The following NOX4 variants were observed in gnomAD, a reference collection of about 807,000 sequenced individuals.
NOX4 encodes the protein kidney oxidase-1.
Under a neutral mutation model 87.6 loss-of-function variants are expected in NOX4, and 69 were observed. The observed-to-expected ratio is 0.79, with a 90% CI of 0.65 to 0.96. The LOEUF is 0.96. Among genes scored for constraint, NOX4 ranks in the 40% least tolerant of loss-of-function variants. The pLI is 0.00. For synonymous variants in NOX4, 275 were observed against 238.2 expected, an observed-to-expected ratio of 1.15 and a Z score of -1.42; for missense variants, 680 against 681.5, an observed-to-expected ratio of 1.00 and a Z score of 0.02.
Position 89,326,779 on chromosome 11 carries a change from A to G in NOX4, c.1714T>C (p.Tyr572His), listed in dbSNP as rs1945236307. ...QNNSYGTRFE[Y>H]NKESFS ...TTTCAGCTGAAAGACTCTTTATTGTATTCAAATCTTGTCCCATATGAGTTG... is the reference window on the plus strand; with the variant it reads ...TTTCAGCTGAAAGACTCTTTATTGTGTTCAAATCTTGTCCCATATGAGTTG... Residue 572 changes from tyrosine to histidine, a missense_variant, in exon 18 of 18, where the codon TAC becomes CAC. Tyr to His is a moderately conservative substitution (Grantham distance 83). Coordinates refer to ENST00000263317, the MANE Select transcript of NOX4 (RefSeq NM_016931.5). 1.2e-6 allele frequency: 2 copies of G among 1,613,234 alleles called. No homozygotes were observed. Among genetic ancestry groups the G allele is most frequent in the Non-Finnish European group, 1.7e-6 (2 of 1,179,534 alleles).
At chr11:89,355,938 C>T (rs1193070137) in intron 12 of NOX4, among the ~76,000 whole-genome samples, 1 of 152,024 alleles carries the variant, frequency 6.6e-6, no homozygotes, top group East Asian at 1.9e-4. Context: ...GACATTTGTG[C>T]TTATTCGCAA....
intron 7 of NOX4, among the ~76,000 whole-genome samples, chr11:89,422,450 C>A (rs1943130908): frequency 6.6e-6 from 1 of 151,970 alleles, no homozygotes; most frequent in Non-Finnish European, 1.5e-5. Context: ...ATATTTTTTC[C>A]TGGACAGTGT....
intron 12 of NOX4, among the ~76,000 whole-genome samples, chr11:89,364,026 C>A (rs1938737262): frequency 6.6e-6 from 1 of 152,006 alleles, no homozygotes; most frequent in Non-Finnish European, 1.5e-5. Context: ...TATTTGAAAG[C>A]TTGAGGCCAG....
the NOX4 span, among the ~76,000 whole-genome samples, chr11:89,535,663 C>T: frequency 6.6e-6 from 1 of 151,822 alleles, no homozygotes; most frequent in Non-Finnish European, 1.5e-5. Flanking sequence ...GACATAGGCA[C>T]TGTGCTCTGG....
chr11:89,351,849 T>C (rs1159666290), intron 13 of NOX4, among the ~76,000 whole-genome samples: 1 of 152,088 alleles, frequency 6.6e-6, no homozygotes, highest in Non-Finnish European at 1.5e-5. Context: ...ATGAAATGGA[T>C]TCAACCTAAG....
At chr11:89,534,443 C>T in the NOX4 span, among the ~76,000 whole-genome samples, 3 of 152,210 alleles carry the variant, frequency 2.0e-5, no homozygotes, top group Admixed American at 6.5e-5. Flanking sequence ...CTTCTCTCTC[C>T]ACCTCTCCTC....
chr11:89,436,610 T>C (rs557008115), intron 6 of NOX4, among the ~76,000 whole-genome samples: 14 of 152,154 alleles, frequency 9.2e-5, no homozygotes, highest in Non-Finnish European at 1.6e-4. Context: ...AATTTCTAGA[T>C]GAACCTGAGA....
chr11:89,398,985 T>C (rs1941663218), intron 11 of NOX4, among the ~76,000 whole-genome samples: 1 of 151,936 alleles, frequency 6.6e-6, no homozygotes, highest in Non-Finnish European at 1.5e-5. Context: ...CAGAAGCATA[T>C]GGGAAAATAT....
the NOX4 span, among the ~76,000 whole-genome samples, chr11:89,555,608 G>A: frequency 2.6e-5 from 4 of 151,980 alleles, no homozygotes; most frequent in Non-Finnish European, 5.9e-5. Context: ...GAAAGATGAG[G>A]CCTTCTCCAG....
intron 17 of NOX4, among the ~76,000 whole-genome samples, chr11:89,331,286 T>A (rs1945459250): frequency 6.6e-6 from 1 of 151,766 alleles, no homozygotes; most frequent in East Asian, 1.9e-4. Context: ...TTGAACGAGA[T>A]GAAAATGAAA....
chr11:89,398,660 A>G (rs1258413720), intron 11 of NOX4, among the ~76,000 whole-genome samples: 1 of 150,678 alleles, frequency 6.6e-6, no homozygotes, highest in African/African-American at 2.4e-5. Context: ...GCTTTACAAC[A>G]TGTTCCCATC....
intron 8 of NOX4, among the ~76,000 whole-genome samples, chr11:89,416,516 T>A (rs1942783402): frequency 6.6e-6 from 1 of 152,146 alleles, no homozygotes; most frequent in Admixed American, 6.5e-5. Flanking sequence ...TAACAGTATA[T>A]CCTTAATGTC....
chr11:89,409,738 TA>T (rs879309604), intron 8 of NOX4, among the ~76,000 whole-genome samples: 2 of 151,922 alleles, frequency 1.3e-5, no homozygotes, highest in African/African-American at 4.8e-5. Context: ...GATATAAAGT[TA>T]AAAAAACTTT....
At chr11:89,575,182 T>TA in the NOX4 span, among the ~76,000 whole-genome samples, 11,198 of 142,000 alleles carry the variant, frequency 0.079, 569 homozygotes, top group Non-Finnish European at 0.12. Flanking sequence ...GAACTCCATC[T>TA]AAAAAAAAAA....
the NOX4 span, among the ~76,000 whole-genome samples, chr11:89,573,865 G>A: frequency 6.6e-6 from 1 of 152,124 alleles, no homozygotes; most frequent in Admixed American, 6.5e-5. Flanking sequence ...CTCATGCGCA[G>A]TGCCCTCTTT....
intron 11 of NOX4, among the ~76,000 whole-genome samples, chr11:89,391,259 C>G (rs1941102480): frequency 6.6e-6 from 1 of 152,016 alleles, no homozygotes; most frequent in South Asian, 2.1e-4. Flanking sequence ...GGTCAGGAAA[C>G]TTAATCTAAT....
the NOX4 span, among the ~76,000 whole-genome samples, chr11:89,555,893 G>A: frequency 6.9e-3 from 1,047 of 152,132 alleles, 10 homozygotes; most frequent in African/African-American, 0.023. Flanking sequence ...CCTCATTGTT[G>A]GTTTATTCAT....
At chr11:89,465,037 C>T (rs913341941) in intron 2 of NOX4, among the ~76,000 whole-genome samples, 7 of 152,212 alleles carry the variant, frequency 4.6e-5, no homozygotes, top group South Asian at 2.1e-4. Context: ...ATGTGCAGAA[C>T]GTGTAGGTTT....
chr11:89,407,429 T>C (rs756034941), intron 8 of NOX4, among the ~76,000 whole-genome samples: 15 of 152,092 alleles, frequency 9.9e-5, no homozygotes, highest in Non-Finnish European at 1.6e-4. Context: ...TATATGATGT[T>C]CCAAGGAGAA....
Sources: allele counts gnomAD v4.1 joint callset (sites outside exome capture counted in the v4.1 genomes callset), GRCh38; gene constraint gnomAD v4.1.1; transcripts MANE v1.5; gene names NCBI Gene and HGNC (gene_info 2026-07-23, HGNC 2026-07-21).